PUDP: variants seen among roughly 807,000 people sequenced by gnomAD.
The protein encoded by PUDP is pseudouridine 5'-phosphatase.
Under a neutral mutation model 9.4 loss-of-function variants are expected in PUDP, and 8 were observed. That is an observed-to-expected ratio of 0.85 (90% CI 0.50 to 1.53). The LOEUF (loss-of-function observed/expected upper bound fraction) is 1.53, where lower values mean the gene tolerates loss of function less well. Ranked by LOEUF, PUDP falls within the 40% of genes most tolerant of loss-of-function variation. The pLI is 0.00. For synonymous variants in PUDP, 99 were observed against 80.7 expected (o/e 1.23, Z -1.22); for missense variants, 188 against 189.7 (o/e 0.99, Z 0.05).
At chrX:6,779,891 C>T (rs1925529000) in intron 3 of PUDP, among the ~76,000 whole-genome samples, 1 of 111,090 alleles carries the variant, frequency 9.0e-6, no homozygotes, top group African/African-American at 3.3e-5. Context: ...CACGCCACTG[C>T]ACTCTAGCCT....
intron 1 of PUDP, among the ~76,000 whole-genome samples, chrX:7,110,705 AT>A (rs1404600636): frequency 1.8e-5 from 2 of 108,783 alleles, no homozygotes; most frequent in African/African-American, 6.7e-5. Context: ...GTTTTATAGG[AT>A]TTGGGTAGGT....
chrX:7,057,827 G>A, intron 3 of PUDP: 2 of 1,127,506 alleles, frequency 1.8e-6, no homozygotes, highest in Non-Finnish European at 2.4e-6. Context: ...TGGAGCTCTA[G>A]GTACAGTTTG....
At chrX:6,802,671 G>A (rs891769637) in intron 3 of PUDP, among the ~76,000 whole-genome samples, 8 of 109,534 alleles carry the variant, frequency 7.3e-5, no homozygotes, top group Non-Finnish European at 1.3e-4. Context: ...GTCTCCTGAG[G>A]TCAGGAGTTC....
chrX:6,799,494 C>T (rs1399223119), intron 3 of PUDP, among the ~76,000 whole-genome samples: 1 of 111,906 alleles, frequency 8.9e-6, no homozygotes, highest in Non-Finnish European at 1.9e-5. Context: ...GAAAGATAAA[C>T]AGCATTTTTA....
intron 3 of PUDP, among the ~76,000 whole-genome samples, chrX:6,878,727 G>A (rs1415615482): frequency 1.8e-5 from 2 of 109,279 alleles, no homozygotes; most frequent in African/African-American, 6.6e-5. Flanking sequence ...TATTAGTTAA[G>A]ATTTCATAAG....
At chrX:6,961,495 T>C (rs1053876905) in intron 3 of PUDP, among the ~76,000 whole-genome samples, 3 of 112,022 alleles carry the variant, frequency 2.7e-5, no homozygotes, top group African/African-American at 9.7e-5. Flanking sequence ...GAAACTAGCA[T>C]AGTCTCTAGC....
At chrX:6,719,827 A>T (rs1924640547) in intron 1 of PUDP, among the ~76,000 whole-genome samples, 1 of 112,078 alleles carries the variant, frequency 8.9e-6, no homozygotes, top group Admixed American at 9.5e-5. Flanking sequence ...TTTGAAGTGG[A>T]TGTTTCACAA....
At chrX:7,064,206 G>A in intron 3 of PUDP, among the ~76,000 whole-genome samples, 1 of 111,673 alleles carries the variant, frequency 9.0e-6, no homozygotes, top group Admixed American at 9.5e-5. Flanking sequence ...CAAGATGGAA[G>A]AGCCCACTCT....
chrX:6,769,058 A>G (rs1925323581), intron 3 of PUDP, among the ~76,000 whole-genome samples: 1 of 111,894 alleles, frequency 8.9e-6, no homozygotes, highest in African/African-American at 3.2e-5. Context: ...CACATAAATT[A>G]TGCTCACACT....
At chrX:6,746,480 C>T (rs1307803180) in intron 3 of PUDP, among the ~76,000 whole-genome samples, 1 of 111,296 alleles carries the variant, frequency 9.0e-6, no homozygotes, top group Admixed American at 9.5e-5. Flanking sequence ...AAACGTGTGC[C>T]ATGGTGGTTT....
chrX:6,740,676 A>C (rs1924924209), intron 3 of PUDP, among the ~76,000 whole-genome samples: 2 of 111,669 alleles, frequency 1.8e-5, no homozygotes, highest in African/African-American at 6.5e-5. Context: ...ATCCCTGAGA[A>C]GGCCCAGAGG....
rs893902284 is a variant in PUDP, at chrX:7,139,123, A to G, written c.61+8930T>C. 2.7e-5 allele frequency among the ~76,000 whole-genome samples: 3 copies of G among 112,125 alleles called. No individual in the cohort carries two copies. The Admixed American group carries it at 2.8e-4, about 11-fold the overall frequency. ...ACACATTCTTATTGTGTATATCATT[A>G]GCAATTATTCACAGATTTTACCAAT... On this transcript the variant is annotated intron_variant, in intron 1 of 3. Coordinates refer to ENST00000381077, the MANE Select transcript of PUDP (RefSeq NM_012080.5).
At chrX:6,948,439 G>T (rs1928502237) in intron 3 of PUDP, among the ~76,000 whole-genome samples, 1 of 111,428 alleles carries the variant, frequency 9.0e-6, no homozygotes, top group Non-Finnish European at 1.9e-5. Context: ...ATCAGTGGGG[G>T]CAACTGATAT....
chrX:6,924,289 T>C (rs1156424798), intron 3 of PUDP, among the ~76,000 whole-genome samples: 1 of 111,863 alleles, frequency 8.9e-6, no homozygotes, highest in Non-Finnish European at 1.9e-5. Flanking sequence ...GTATCTCTTA[T>C]GACAAGGAGT....
rs1644227595 is a variant in PUDP, at chrX:6,748,697, GT to G, written c.*248-42232del. 8.0e-5 allele frequency among the ~76,000 whole-genome samples: 9 copies of G among 112,028 alleles called. No homozygotes were observed. The South Asian group carries it at 3.4e-3, about 42-fold the overall frequency. ...ATATGAACTAAAAGAAGAGATTAAG[GT>G]TGCATTTAGGAGGTCATTGACGAGT... On this transcript the variant is annotated intron_variant and NMD_transcript_variant, in intron 3 of 3. Transcript: ENST00000655425.
intron 1 of PUDP, among the ~76,000 whole-genome samples, chrX:7,114,507 C>T (rs1932143106): frequency 8.9e-6 from 1 of 111,841 alleles, no homozygotes; most frequent in Non-Finnish European, 1.9e-5. Flanking sequence ...TGACCCAACA[C>T]CTCTTAGAGA....
At chrX:6,939,515 T>C (rs948280680) in intron 3 of PUDP, among the ~76,000 whole-genome samples, 2 of 109,575 alleles carry the variant, frequency 1.8e-5, no homozygotes, top group African/African-American at 6.6e-5. Flanking sequence ...CCAGTGCTTA[T>C]AAAAAAGACA....
chrX:6,849,003 T>G (rs931644176), intron 3 of PUDP, among the ~76,000 whole-genome samples: 1 of 112,276 alleles, frequency 8.9e-6, no homozygotes, highest in Non-Finnish European at 1.9e-5. Context: ...CTCAGATCCC[T>G]TCGCCAGATC....
chrX:7,122,837 T>C (rs1932380889), intron 1 of PUDP, among the ~76,000 whole-genome samples: 1 of 112,657 alleles, frequency 8.9e-6, no homozygotes, highest in Admixed American at 9.4e-5. Context: ...ATATTTTCCT[T>C]CTCAACATAC....
Sources: gnomAD v4.1 joint callset for allele counts (sites outside exome capture counted in the v4.1 genomes callset) on GRCh38, gnomAD v4.1.1 for gene constraint, MANE v1.5 for transcripts, NCBI Gene and HGNC (gene_info 2026-07-23, HGNC 2026-07-21) for gene names.